ZBTB20: variants seen among roughly 807,000 people sequenced by gnomAD.
ZBTB20 encodes the protein zinc finger and BTB domain containing 20.
A neutral mutation model predicts 56.9 loss-of-function variants in ZBTB20; 9 were observed. The observed-to-expected ratio is 0.16, with a 90% CI of 0.10 to 0.28. The LOEUF (loss-of-function observed/expected upper bound fraction) is 0.28, where lower values mean the gene tolerates loss of function less well. Ranked by LOEUF, ZBTB20 falls within the 10% of genes least tolerant of loss-of-function variation. ZBTB20 has a pLI of 1.00. For missense variants in ZBTB20, 655 were observed against 1,003.0 expected (o/e 0.65, Z 4.69); for synonymous variants, 417 against 420.7 (o/e 0.99, Z 0.11).
chr3:114,653,475 G>A (rs958042871), intron 6 of ZBTB20, among the ~76,000 whole-genome samples: 2 of 151,892 alleles, frequency 1.3e-5, no homozygotes, highest in Non-Finnish European at 1.5e-5. Flanking sequence ...AATCCTACTT[G>A]ATCATGAGGT....
intron 3 of ZBTB20, among the ~76,000 whole-genome samples, chr3:114,909,230 T>C (rs570367354): frequency 1.2e-4 from 19 of 152,114 alleles, no homozygotes; most frequent in African/African-American, 3.6e-4. Flanking sequence ...TAGACCTGGC[T>C]AATGTGTGCA....
intron 7 of ZBTB20, among the ~76,000 whole-genome samples, chr3:114,418,149 C>A (rs1263920555): frequency 6.6e-6 from 1 of 152,042 alleles, no homozygotes; most frequent in Admixed American, 6.6e-5. Context: ...ACTTCCAGGT[C>A]ATTTGCTTGG....
chr3:114,516,327 G>A (rs915586500), intron 6 of ZBTB20, among the ~76,000 whole-genome samples: 2 of 152,248 alleles, frequency 1.3e-5, no homozygotes, highest in Non-Finnish European at 2.9e-5. Flanking sequence ...TATATGCCAT[G>A]TACATTCATG....
rs1413861157 is a variant in ZBTB20, at chr3:114,330,701, C to T, written c.*8304G>A. On this transcript the variant is annotated 3_prime_UTR_variant, in exon 12 of 12. Transcript: ENST00000675478. ...TTAACAGGGGAAGGGGAAAAGTCAC[C>T]AGAATAGAAGAGGAAAGAAAATGTC... 2.0e-5 allele frequency: 3 copies of T among 151,966 alleles called. No individual in the cohort carries two copies. The highest frequency in any genetic ancestry group is 4.4e-5 in the Non-Finnish European group (3 of 68,016). The allele number at this position is 151,966 out of a possible 1,614,324, so 9.4% of individuals were successfully genotyped here.
chr3:114,395,656 A>G (rs2086270824), intron 7 of ZBTB20, among the ~76,000 whole-genome samples: 2 of 152,164 alleles, frequency 1.3e-5, no homozygotes, highest in South Asian at 4.1e-4. Context: ...CAGATAAACT[A>G]ATCAGGAACA....
chr3:115,146,370 T>A (rs1385640837), intron 1 of ZBTB20, among the ~76,000 whole-genome samples: 2 of 98,990 alleles, frequency 2.0e-5, no homozygotes, highest in Admixed American at 2.0e-4. Flanking sequence ...GGATAACAGC[T>A]GGGGGCGGGG....
chr3:114,804,298 C>T (rs1393741308), intron 4 of ZBTB20, among the ~76,000 whole-genome samples: 1 of 151,956 alleles, frequency 6.6e-6, no homozygotes, highest in African/African-American at 2.4e-5. Flanking sequence ...GAACAAAGGG[C>T]TGCTTCTGAC....
At chr3:114,812,888 C>A (rs1560279513) in intron 4 of ZBTB20, among the ~76,000 whole-genome samples, 1 of 151,220 alleles carries the variant, frequency 6.6e-6, no homozygotes, top group Non-Finnish European at 1.5e-5. Flanking sequence ...ACAGCAGCTG[C>A]TGGCCCAGGT....
chr3:114,795,319 T>G (rs2071268489), intron 5 of ZBTB20, among the ~76,000 whole-genome samples: 2 of 152,096 alleles, frequency 1.3e-5, no homozygotes, highest in Admixed American at 1.3e-4. Flanking sequence ...ATTGGTATTT[T>G]TGTGTGTATC....
At position 115,084,540 on chromosome 3, in the gene ZBTB20, A is replaced by C. The variant is rs946967870; in HGVS notation, c.-702-13126T>G. ...CTGTTTTTTTAATATCTAAATTAAC[A>C]GATCAGTGGAAAAATATGAGATTTG... On this transcript the variant is annotated intron_variant, in intron 1 of 11. Coordinates refer to ENST00000675478, the MANE Select transcript of ZBTB20 (RefSeq NM_001348800.3). 1.1e-4 allele frequency among the ~76,000 whole-genome samples: 16 copies of C among 152,108 alleles called. No homozygotes were observed. In the South Asian group the frequency reaches 1.5e-3, roughly 14 times the overall value.
intron 6 of ZBTB20, among the ~76,000 whole-genome samples, chr3:114,680,334 C>A (rs982091829): frequency 6.6e-6 from 1 of 151,990 alleles, no homozygotes; most frequent in African/African-American, 2.4e-5. Context: ...AAGAATTAAC[C>A]ACAGTGCCTT....
intron 2 of ZBTB20, among the ~76,000 whole-genome samples, chr3:114,979,505 T>A (rs900988636): frequency 1.3e-5 from 2 of 152,046 alleles, no homozygotes; most frequent in African/African-American, 4.8e-5. Flanking sequence ...GACTTCTGGT[T>A]AATTGTTTCA....
chr3:115,006,148 A>G (rs192551548), intron 2 of ZBTB20, among the ~76,000 whole-genome samples: 6 of 151,750 alleles, frequency 4.0e-5, no homozygotes, highest in Admixed American at 3.3e-4. Context: ...CAACAGAAAC[A>G]CCACCTCTTA....
chr3:114,962,227 C>A (rs1002598424), intron 3 of ZBTB20, among the ~76,000 whole-genome samples: 4 of 152,030 alleles, frequency 2.6e-5, no homozygotes, highest in Admixed American at 2.6e-4. Context: ...AGCATGATAG[C>A]ACTAAAATCT....
At chr3:114,826,633 T>C (rs2073542431) in intron 4 of ZBTB20, among the ~76,000 whole-genome samples, 1 of 151,666 alleles carries the variant, frequency 6.6e-6, no homozygotes, top group South Asian at 2.1e-4. Flanking sequence ...TTTTTTTCAG[T>C]GCACAACGTG....
rs368602983 is a variant in ZBTB20 at position 114,563,241 on chromosome 3, T to C, written c.-294-62850A>G. Among the ~76,000 whole-genome samples, 7 of 152,334 alleles carry C rather than the reference T, an allele frequency of 4.6e-5. No homozygotes were observed. The South Asian group carries it at 8.3e-4, about 18-fold the overall frequency. On this transcript the variant is annotated intron_variant, in intron 6 of 11. Coordinates refer to ENST00000675478, the MANE Select transcript of ZBTB20 (RefSeq NM_001348800.3). ...AACTTTCCCATGACTTTTATACTGT[T>C]AACTTTTTTGAATAGCAGATGAGAC... is the stretch of plus-strand genomic sequence containing the variant.
intron 6 of ZBTB20, among the ~76,000 whole-genome samples, chr3:114,579,420 G>A (rs2054417705): frequency 6.6e-6 from 1 of 151,328 alleles, no homozygotes; most frequent in South Asian, 2.1e-4. Flanking sequence ...TGCACCTAAT[G>A]AGAAACCAGG....
At position 114,623,062 on chromosome 3, in the gene ZBTB20, T is replaced by C. The variant is rs549450423; in HGVS notation, c.-295+70466A>G. 3.9e-5 allele frequency among the ~76,000 whole-genome samples: 6 copies of C among 152,316 alleles called. No homozygotes were observed. The East Asian group carries it at 1.2e-3, about 29-fold the overall frequency. ...TTGGTTTTTGTTTCGTCTTTTGTTT[T>C]TTCCATGCTTAATGAACATGCCAGA... On this transcript the variant is annotated intron_variant, in intron 6 of 11. Coordinates refer to ENST00000675478, the MANE Select transcript of ZBTB20 (RefSeq NM_001348800.3).
At chr3:114,877,962 G>T (rs1396716733) in intron 4 of ZBTB20, among the ~76,000 whole-genome samples, 1 of 152,016 alleles carries the variant, frequency 6.6e-6, no homozygotes, top group Non-Finnish European at 1.5e-5. Context: ...TGGTGACTGT[G>T]TAAGCTCTTT....
Sources: allele counts gnomAD v4.1 joint callset (sites outside exome capture counted in the v4.1 genomes callset), GRCh38; gene constraint gnomAD v4.1.1; transcripts MANE v1.5; gene names NCBI Gene and HGNC (gene_info 2026-07-23, HGNC 2026-07-21).